MSR1: variants seen among roughly 807,000 people sequenced by gnomAD.
MSR1 encodes the protein macrophage scavenger receptor 1.
A neutral mutation model predicts 47.2 loss-of-function variants in MSR1; 53 were observed. The ratio of observed to expected loss-of-function variants is 1.12; its 90% CI spans 0.90 to 1.41. MSR1 has a LOEUF of 1.41. Among genes scored for constraint, MSR1 ranks in the 40% most tolerant of loss-of-function variants. MSR1 has a pLI of 0.00. For missense variants in MSR1, 786 were observed against 546.9 expected (o/e 1.44, Z -4.36); for synonymous variants, 239 against 185.6 (o/e 1.29, Z -2.34).
chr8:16,147,183 T>C (rs1800722655), intron 7 of MSR1, among the ~76,000 whole-genome samples: 1 of 152,108 alleles, frequency 6.6e-6, no homozygotes, highest in African/African-American at 2.4e-5. Context: ...CTTTCTGAAG[T>C]AAATATATCA....
chr8:16,174,848 T>A (rs1342754437), intron 3 of MSR1, among the ~76,000 whole-genome samples: 1 of 152,164 alleles, frequency 6.6e-6, no homozygotes, highest in Non-Finnish European at 1.5e-5. Flanking sequence ...GCAAAATGAA[T>A]ACTTTTAAAA....
chr8:16,121,491 A>C lies in MSR1; in HGVS notation c.1034-885T>G, dbSNP rs568596928. Among the ~76,000 whole-genome samples the C allele has an allele frequency of 7.9e-5, 12 of 152,168 alleles. No homozygotes were observed. In the East Asian group the frequency reaches 2.1e-3, roughly 27 times the overall value. On this transcript the variant is annotated intron_variant, in intron 8 of 9. Coordinates refer to ENST00000262101, the MANE Select transcript of MSR1 (RefSeq NM_138715.3). ...GACAGATTAAATAAAATAGTGCAAC[A>C]AATATTATAAGAGCAATTCACTTGG...
chr8:16,152,602 T>C (rs970253708), intron 6 of MSR1, among the ~76,000 whole-genome samples: 1 of 152,052 alleles, frequency 6.6e-6, no homozygotes, highest in Non-Finnish European at 1.5e-5. Flanking sequence ...GCCCCACCCA[T>C]GCCTACAGGT....
At chr8:16,124,501 G>T (rs1216657662) in intron 8 of MSR1, among the ~76,000 whole-genome samples, 2 of 152,004 alleles carry the variant, frequency 1.3e-5, no homozygotes, top group Non-Finnish European at 2.9e-5. Flanking sequence ...CTCCCCACCT[G>T]CACTGCTTTG....
At chr8:16,174,146 T>C (rs988026447) in intron 3 of MSR1, among the ~76,000 whole-genome samples, 22 of 152,176 alleles carry the variant, frequency 1.4e-4, no homozygotes, top group Non-Finnish European at 2.9e-5. Context: ...TAAGGGTGTA[T>C]TATTGTTTTC....
rs555664701 is a variant in MSR1 at position 16,170,239 on chromosome 8, T to C, written c.218-1369A>G. On this transcript the variant is annotated intron_variant, in intron 3 of 9. Transcript: ENST00000262101. ...GGCGGGCGCCTGCAGGCCCATCTAC[T>C]CAGGAGGCTGAGGCAGGAGAATCAC... is the stretch of plus-strand genomic sequence containing the variant. 3.3e-5 allele frequency among the ~76,000 whole-genome samples: 5 copies of C among 151,668 alleles called. No individual in the cohort carries two copies. In the East Asian group the frequency reaches 9.7e-4, roughly 29 times the overall value.
chr8:16,187,830 A>G (rs1304521741), intron 1 of MSR1, among the ~76,000 whole-genome samples: 2 of 152,260 alleles, frequency 1.3e-5, no homozygotes, highest in South Asian at 2.1e-4. Context: ...TGAAACAAAA[A>G]ATATTACCCT....
intron 8 of MSR1, among the ~76,000 whole-genome samples, chr8:16,123,022 T>C (rs1046834234): frequency 3.3e-5 from 5 of 151,658 alleles, no homozygotes; most frequent in African/African-American, 9.7e-5. Context: ...TTTTTTGTAT[T>C]TTTTAGTACA....
chr8:16,137,384 A>G (rs776527108), intron 8 of MSR1, among the ~76,000 whole-genome samples: 1 of 152,142 alleles, frequency 6.6e-6, no homozygotes, highest in Non-Finnish European at 1.5e-5. Flanking sequence ...TACTAGGCCC[A>G]TTCTAGAAAA....
chr8:16,135,549 T>G (rs1800368545), intron 8 of MSR1, among the ~76,000 whole-genome samples: 1 of 152,158 alleles, frequency 6.6e-6, no homozygotes, highest in South Asian at 2.1e-4. Context: ...AAGACTGGTG[T>G]TGTTTTCATG....
At chr8:16,161,064 T>C (rs1473398591) in intron 5 of MSR1, among the ~76,000 whole-genome samples, 7 of 144,980 alleles carry the variant, frequency 4.8e-5, no homozygotes, top group African/African-American at 1.8e-4. Flanking sequence ...CTATTTAGAA[T>C]GGACTAAGAG....
chr8:16,186,993 A>C (rs1802018758), intron 1 of MSR1, among the ~76,000 whole-genome samples: 1 of 152,026 alleles, frequency 6.6e-6, no homozygotes, highest in Non-Finnish European at 1.5e-5. Flanking sequence ...TCCCAGAAGA[A>C]TCCTCTTAAA....
rs1799679145 is a variant in MSR1 at position 16,108,212 on chromosome 8, A to C, written c.*1873T>G. The C allele has an allele frequency of 6.7e-6, 1 of 150,188 alleles. No homozygotes were observed. Among genetic ancestry groups the C allele is most frequent in the African/African-American group, 2.4e-5 (1 of 41,014 alleles). 9.3% of individuals were successfully genotyped at this position (150,188 alleles called of 1,614,324 possible). ...TAGTACTAGTAATAGCAATAGTACT[A>C]GTACTAGCAATAGTACTATTATTAT... On this transcript the variant is annotated 3_prime_UTR_variant, in exon 10 of 10. Coordinates refer to ENST00000262101, the MANE Select transcript of MSR1 (RefSeq NM_138715.3).
intron 1 of MSR1, among the ~76,000 whole-genome samples, chr8:16,190,793 C>T (rs547720916): frequency 1.3e-5 from 2 of 148,956 alleles, no homozygotes; most frequent in Admixed American, 1.4e-4. Context: ...GTGATCTTGG[C>T]TCACCACAAC....
At chr8:16,139,367 A>G (rs899057078) in intron 8 of MSR1, 7 of 936,924 alleles carry the variant, frequency 7.5e-6, no homozygotes, top group African/African-American at 1.8e-5. Flanking sequence ...CACACACACA[A>G]TATCTTACTT....
intron 8 of MSR1, chr8:16,139,481 T>C (rs1274552872): frequency 4.1e-6 from 4 of 983,466 alleles, no homozygotes; most frequent in Non-Finnish European, 4.8e-6. Flanking sequence ...AGAGTTCTAC[T>C]AGAATCTTAA....
chr8:16,115,807 G>C (rs1799865166), intron 9 of MSR1, among the ~76,000 whole-genome samples: 1 of 151,832 alleles, frequency 6.6e-6, no homozygotes, highest in Non-Finnish European at 1.5e-5. Flanking sequence ...GCAAGAACCT[G>C]TCTCTATAAG....
At chr8:16,125,675 A>C (rs535832847) in intron 8 of MSR1, among the ~76,000 whole-genome samples, 1 of 152,194 alleles carries the variant, frequency 6.6e-6, no homozygotes, top group South Asian at 2.1e-4. Context: ...AAGGAAACAA[A>C]CTCCAGGATA....
At chr8:16,188,996 A>G (rs917351023) in intron 1 of MSR1, among the ~76,000 whole-genome samples, 14 of 145,090 alleles carry the variant, frequency 9.6e-5, no homozygotes, top group African/African-American at 3.5e-4. Flanking sequence ...ATATATATAT[A>G]TAAAACAACA....
Sources: gnomAD v4.1 joint callset for allele counts (sites outside exome capture counted in the v4.1 genomes callset) on GRCh38, gnomAD v4.1.1 for gene constraint, MANE v1.5 for transcripts, NCBI Gene and HGNC (gene_info 2026-07-23, HGNC 2026-07-21) for gene names.